The following MARCHF1 variants were observed in gnomAD, a reference collection of about 807,000 sequenced individuals.
The protein encoded by MARCHF1 is membrane associated ring-CH-type finger 1.
MARCHF1 carries 40 observed loss-of-function variants against 54.2 expected under a neutral mutation model. That is an observed-to-expected ratio of 0.74 (90% CI 0.57 to 0.96). The LOEUF (loss-of-function observed/expected upper bound fraction) is 0.96, where lower values mean the gene tolerates loss of function less well. Among genes scored for constraint, MARCHF1 ranks in the 40% least tolerant of loss-of-function variants. MARCHF1 has a pLI of 0.00. For synonymous variants in MARCHF1, 236 were observed against 236.3 expected (o/e 1.00, Z 0.01); for missense variants, 586 against 656.5 (o/e 0.89, Z 1.17).
At chr4:163,656,719 C>T (rs977337681) in intron 5 of MARCHF1, among the ~76,000 whole-genome samples, 2 of 151,860 alleles carry the variant, frequency 1.3e-5, no homozygotes, top group Non-Finnish European at 2.9e-5. Flanking sequence ...GATCAAGTTG[C>T]CTTCATCCCC....
chr4:164,044,524 C>A (rs574905410), intron 2 of MARCHF1, among the ~76,000 whole-genome samples: 1 of 152,030 alleles, frequency 6.6e-6, no homozygotes, highest in Non-Finnish European at 1.5e-5. Context: ...TCTTCCAATT[C>A]GACATGAGAT....
intron 7 of MARCHF1, among the ~76,000 whole-genome samples, chr4:163,587,725 A>C (rs1740455153): frequency 6.6e-6 from 1 of 152,078 alleles, no homozygotes; most frequent in African/African-American, 2.4e-5. Context: ...CATGCAATAC[A>C]CCCATGTAAC....
intron 3 of MARCHF1, among the ~76,000 whole-genome samples, chr4:163,899,073 G>A (rs570281830): frequency 1.3e-5 from 2 of 152,264 alleles, no homozygotes; most frequent in Non-Finnish European, 2.9e-5. Flanking sequence ...TGGGTACAAC[G>A]TTCTGTATTT....
intron 1 of MARCHF1, among the ~76,000 whole-genome samples, chr4:164,218,936 C>G (rs904685429): frequency 6.6e-6 from 1 of 151,498 alleles, no homozygotes; most frequent in East Asian, 1.9e-4. Context: ...TTTTATATAG[C>G]AATTAATGTA....
chr4:164,259,544 CAAAAAAAAAAA>C lies in MARCHF1; in HGVS notation c.-323+124315_-323+124325del, dbSNP rs141030578. On this transcript the variant is annotated intron_variant, in intron 1 of 9. Transcript: ENST00000514618. ...TGGGCAACAAAGTGGGACCGTGTCT[CAAAAAAAAAAA>C]AAAAAAAAAAGAAAAAAGAAAAAGA... Among the ~76,000 whole-genome samples, 392 of 58,968 alleles carry C rather than the reference CAAAAAAAAAAA, an allele frequency of 6.6e-3. 3 individuals carry two copies. Among genetic ancestry groups the C allele is most frequent in the African/African-American group, 0.02 (369 of 18,356 alleles). The allele number at this position is 58,968 out of a possible 152,430, so 38.7% of individuals were successfully genotyped here. A position where few individuals can be genotyped will look rare whatever the true frequency, so the allele number is the denominator to read the frequency against.
intron 3 of MARCHF1, among the ~76,000 whole-genome samples, chr4:163,930,636 G>T (rs1751651484): frequency 6.6e-6 from 1 of 151,996 alleles, no homozygotes; most frequent in Non-Finnish European, 1.5e-5. Flanking sequence ...CACAGAGTCT[G>T]TTTTTACAAG....
At chr4:164,106,031 G>T (rs1009161535) in intron 2 of MARCHF1, among the ~76,000 whole-genome samples, 4 of 150,704 alleles carry the variant, frequency 2.7e-5, no homozygotes, top group African/African-American at 9.8e-5. Context: ...ATCATCACTG[G>T]CCATCAGAGA....
In MARCHF1 at chr4:164,118,249, C is replaced by T. The variant is rs541239172; in HGVS notation, c.-322-6587G>A. Among the ~76,000 whole-genome samples, 10 of 151,114 alleles carry T rather than the reference C, an allele frequency of 6.6e-5. No individual in the cohort carries two copies. The East Asian group carries it at 1.9e-3, about 29-fold the overall frequency. On this transcript the variant is annotated intron_variant, in intron 1 of 9. Coordinates refer to ENST00000514618, the MANE Select transcript of MARCHF1 (RefSeq NM_001394959.1). ...CTTGTACTTTGGAAAACAGTAAACC[C>T]CAAGACAGAACTTAATATTCTATTA...
In MARCHF1 at chr4:164,043,451, G is replaced by C. The variant is rs953791900; in HGVS notation, c.-247-54742C>G. On this transcript the variant is annotated intron_variant, in intron 2 of 9. Transcript: ENST00000514618. ...CCACTTTTAGCCACAGCTGGAGCTG[G>C]AGCAGCTGTGACAAAGCAGGAAAAC... 5.3e-5 allele frequency among the ~76,000 whole-genome samples: 8 copies of C among 152,276 alleles called. No homozygotes were observed. In the East Asian group the frequency reaches 1.4e-3, roughly 26 times the overall value.
At position 163,528,754 on chromosome 4, in the gene MARCHF1, T is replaced by A. The variant is rs1351422879; in HGVS notation, c.1632A>T (p.Ser544=). The change falls in exon 10 of 10, where the codon TCA becomes TCT. Residue 544 remains serine (S), a synonymous_variant. Transcript: ENST00000514618. The part of the protein sequence containing the change: ...SAEGGPPEVV[S]V Reference sequence around the variant, plus strand: ...AAACTCCCAACAGGTTCCATCAGACTGATACAACTTCAGGGGGGCCACCCT... The same window carrying A: ...AAACTCCCAACAGGTTCCATCAGACAGATACAACTTCAGGGGGGCCACCCT... 19 of 1,608,700 alleles carry A rather than the reference T, an allele frequency of 1.2e-5. No homozygotes were observed. Among genetic ancestry groups the A allele is most frequent in the Middle Eastern group, 1.7e-4 (1 of 6,030 alleles).
chr4:164,367,988 A>C (rs1348861064), intron 1 of MARCHF1, among the ~76,000 whole-genome samples: 3 of 151,834 alleles, frequency 2.0e-5, no homozygotes, highest in African/African-American at 7.2e-5. Context: ...CCCTTGAAGT[A>C]CACATCAGAA....
chr4:164,051,683 T>C (rs954661302), intron 2 of MARCHF1, among the ~76,000 whole-genome samples: 7 of 152,160 alleles, frequency 4.6e-5, no homozygotes, highest in African/African-American at 1.7e-4. Context: ...AACTACAAAG[T>C]AGCAAAGCCA....
chr4:163,686,148 T>C (rs1175145933), intron 5 of MARCHF1, among the ~76,000 whole-genome samples: 2 of 152,190 alleles, frequency 1.3e-5, no homozygotes, highest in Non-Finnish European at 1.5e-5. Context: ...ATCTTATTAA[T>C]ATTAGTAAGA....
intron 5 of MARCHF1, among the ~76,000 whole-genome samples, chr4:163,644,581 C>A (rs1361219401): frequency 2.0e-5 from 3 of 152,136 alleles, no homozygotes; most frequent in Non-Finnish European, 4.4e-5. Flanking sequence ...AAGCCCCAGA[C>A]CCCCTCTGCT....
chr4:164,257,574 A>AAT (rs922385751), intron 1 of MARCHF1, among the ~76,000 whole-genome samples: 12 of 151,576 alleles, frequency 7.9e-5, no homozygotes, highest in African/African-American at 2.2e-4. Flanking sequence ...ATAGTGATAA[A>AAT]ATATATATAT....
At chr4:164,289,831 T>A (rs560189812) in intron 1 of MARCHF1, among the ~76,000 whole-genome samples, 1 of 152,010 alleles carries the variant, frequency 6.6e-6, no homozygotes, top group Non-Finnish European at 1.5e-5. Context: ...TGATCAAAGA[T>A]CAAAATATTC....
chr4:163,704,598 C>T (rs1358929453), intron 4 of MARCHF1, among the ~76,000 whole-genome samples: 5 of 150,942 alleles, frequency 3.3e-5, no homozygotes, highest in Non-Finnish European at 5.9e-5. Context: ...AAAAGTGACT[C>T]GTAAGTCTTA....
At chr4:163,961,237 T>C (rs757739557) in intron 3 of MARCHF1, among the ~76,000 whole-genome samples, 34 of 151,948 alleles carry the variant, frequency 2.2e-4, no homozygotes, top group Non-Finnish European at 4.3e-4. Context: ...CACTCATCTA[T>C]AGAATAGCTG....
intron 7 of MARCHF1, among the ~76,000 whole-genome samples, chr4:163,611,326 C>T (rs1741332065): frequency 6.6e-6 from 1 of 151,984 alleles, no homozygotes; most frequent in South Asian, 2.1e-4. Context: ...TTTAATTCTT[C>T]TCACTGCTGC....
Sources: gnomAD v4.1 joint callset for allele counts (sites outside exome capture counted in the v4.1 genomes callset) on GRCh38, gnomAD v4.1.1 for gene constraint, MANE v1.5 for transcripts, NCBI Gene and HGNC (gene_info 2026-07-23, HGNC 2026-07-21) for gene names.